FBXO42: variants seen among roughly 807,000 people sequenced by gnomAD.
FBXO42 encodes the protein F-box protein 42.
In FBXO42, 12 loss-of-function variants were observed where a neutral mutation model predicts 71.7. The observed-to-expected ratio is 0.17, with a 90% CI of 0.11 to 0.27. The LOEUF (loss-of-function observed/expected upper bound fraction) is 0.27. Ranked by LOEUF, FBXO42 falls within the 10% of genes least tolerant of loss-of-function variation. The pLI is 1.00. For missense variants in FBXO42, 707 were observed against 911.9 expected (o/e 0.78, Z 2.89); for synonymous variants, 325 against 327.5 (o/e 0.99, Z 0.08).
chr1:16,294,322 C>T (rs930641227), intron 4 of FBXO42: 2 of 157,200 alleles, frequency 1.3e-5, no homozygotes, highest in East Asian at 3.7e-4. Context: ...TCTTCCCACA[C>T]CCCTGGGTTG....
chr1:16,343,898 G>A (rs1212763105), intron 1 of FBXO42, among the ~76,000 whole-genome samples: 3 of 150,280 alleles, frequency 2.0e-5, no homozygotes, highest in Non-Finnish European at 4.4e-5. Context: ...AGGATCGCTT[G>A]AGCCAGGAGA....
At chr1:16,297,363 T>TA (rs1368583465) in intron 3 of FBXO42, among the ~76,000 whole-genome samples, 5 of 152,164 alleles carry the variant, frequency 3.3e-5, no homozygotes, top group African/African-American at 9.6e-5. Context: ...GCAGTATGTT[T>TA]AGTGCCTTAA....
chr1:16,292,279 CCCTTCCTG>C (rs1450662018), intron 4 of FBXO42: 1 of 152,234 alleles, frequency 6.6e-6, no homozygotes, highest in East Asian at 1.9e-4. Context: ...TTCCCTCCCT[CCCTTCCTG>C]CCTTCCTCTT....
chr1:16,253,522 A>C, intron 7 of FBXO42, 113 bp downstream of exon 7: 1 of 816,580 alleles, frequency 1.2e-6, no homozygotes, highest in African/African-American at 1.7e-5. Context: ...AGAATGATAC[A>C]TTTTCTTTGG....
intron 1 of FBXO42, among the ~76,000 whole-genome samples, chr1:16,322,303 C>A (rs755132236): frequency 8.5e-5 from 13 of 152,094 alleles, no homozygotes; most frequent in Non-Finnish European, 1.6e-4. Context: ...CTAGGCCAGG[C>A]GTGATGGCTC....
At chr1:16,334,669 T>C (rs954669670) in intron 1 of FBXO42, among the ~76,000 whole-genome samples, 1 of 152,070 alleles carries the variant, frequency 6.6e-6, no homozygotes, top group Admixed American at 6.6e-5. Flanking sequence ...CACAATAACA[T>C]TACCATACAA....
At chr1:16,307,109 C>G (rs1469207018) in intron 2 of FBXO42, among the ~76,000 whole-genome samples, 1 of 152,028 alleles carries the variant, frequency 6.6e-6, no homozygotes, top group East Asian at 1.9e-4. Context: ...CCAGGCTGGT[C>G]TCGAACTCCC....
chr1:16,272,525 C>G (rs1346543632), intron 4 of FBXO42, among the ~76,000 whole-genome samples: 1 of 152,156 alleles, frequency 6.6e-6, no homozygotes, highest in Non-Finnish European at 1.5e-5. Flanking sequence ...TCCCAAAGTG[C>G]TGGGATTACA....
rs183066989 is a variant in FBXO42, at chr1:16,287,221, G to A, written c.502+7562C>T. Reference sequence around the variant, plus strand: ...AGCACACTCCCAACTCTGGGTCTTTGCACTGATTATTCTCTGTTTGAAACA... The same window carrying A: ...AGCACACTCCCAACTCTGGGTCTTTACACTGATTATTCTCTGTTTGAAACA... On this transcript the variant is annotated intron_variant, in intron 4 of 9. Transcript: ENST00000375592. Among the ~76,000 whole-genome samples, 33 of 152,266 alleles carry A rather than the reference G, an allele frequency of 2.2e-4. No homozygotes were observed. The East Asian group carries it at 6.2e-3, about 28-fold the overall frequency.
intron 1 of FBXO42, among the ~76,000 whole-genome samples, chr1:16,320,268 G>A (rs573815294): frequency 2.0e-5 from 3 of 150,714 alleles, no homozygotes; most frequent in African/African-American, 7.3e-5. Flanking sequence ...GGCTGAGGCA[G>A]GAGAATCACT....
intron 2 of FBXO42, among the ~76,000 whole-genome samples, chr1:16,309,057 CTTTTTTTTT>C (rs58594138): frequency 4.4e-4 from 17 of 38,748 alleles, no homozygotes; most frequent in Admixed American, 2.3e-3. Context: ...GACCCCATCT[CTTTTTTTTT>C]TTTTTTTTTT....
At chr1:16,266,742 C>G (rs1185207449) in intron 4 of FBXO42, among the ~76,000 whole-genome samples, 1 of 152,166 alleles carries the variant, frequency 6.6e-6, no homozygotes, top group African/African-American at 2.4e-5. Context: ...CTTGATAAAG[C>G]TGTCATCATG....
intron 4 of FBXO42, among the ~76,000 whole-genome samples, chr1:16,285,665 AG>A (rs2082014472): frequency 6.6e-6 from 1 of 152,132 alleles, no homozygotes; most frequent in African/African-American, 2.4e-5. Flanking sequence ...GGTAATTCTC[AG>A]TCTTTACATG....
At chr1:16,293,885 G>A (rs940126316) in intron 4 of FBXO42, 1 of 152,184 alleles carries the variant, frequency 6.6e-6, no homozygotes, top group Non-Finnish European at 1.5e-5. Context: ...TGGTGACTAT[G>A]CCAGGAAATG....
At chr1:16,292,359 C>G (rs1189363798) in intron 4 of FBXO42, 2 of 152,142 alleles carry the variant, frequency 1.3e-5, no homozygotes, top group African/African-American at 4.8e-5. Flanking sequence ...CTCACTCTCG[C>G]CTAGGCGTCT....
chr1:16,350,757 A>AGAAAAGAAAAGAAAAGAAAGAAAGAAAG (rs1553156684), intron 1 of FBXO42, among the ~76,000 whole-genome samples: 12 of 44,246 alleles, frequency 2.7e-4, no homozygotes, highest in Admixed American at 1.1e-3. Context: ...AAAAAAAAAA[A>AGAAAAGAAAAGAAAAGAAAGAAAGAAAG]AAAGAAAGAA....
intron 1 of FBXO42, among the ~76,000 whole-genome samples, chr1:16,331,978 G>C (rs943529352): frequency 2.6e-5 from 4 of 152,134 alleles, no homozygotes; most frequent in Non-Finnish European, 5.9e-5. Flanking sequence ...GAACCTGTGA[G>C]GTGAAGGTTG....
rs757658037 is a variant in FBXO42 at position 16,334,418 on chromosome 1, C to CAAA, written c.-18+17834_-18+17836dup. ...TGGGCGACAGAGTGAGACTCCGCCT[C>CAAA]AAAAAAAAAAAAAAAAAAAAAACAG... On this transcript the variant is annotated intron_variant, in intron 1 of 9. Coordinates refer to ENST00000375592, the MANE Select transcript of FBXO42 (RefSeq NM_018994.3). Among the ~76,000 whole-genome samples, 201 of 52,338 alleles carry CAAA rather than the reference C, an allele frequency of 3.8e-3. 2 individuals carry two copies. The highest frequency in any genetic ancestry group is 6.7e-3 in the African/African-American group (103 of 15,406). 34.3% of individuals were successfully genotyped at this position (52,338 alleles called of 152,430 possible).
intron 4 of FBXO42, among the ~76,000 whole-genome samples, chr1:16,281,192 C>A (rs2081959849): frequency 6.6e-6 from 1 of 152,168 alleles, no homozygotes; most frequent in Non-Finnish European, 1.5e-5. Context: ...GAACTCCTGA[C>A]CTCAGGTGAT....
Sources: gnomAD v4.1 joint callset for allele counts (sites outside exome capture counted in the v4.1 genomes callset) on GRCh38, gnomAD v4.1.1 for gene constraint, MANE v1.5 for transcripts, NCBI Gene and HGNC (gene_info 2026-07-23, HGNC 2026-07-21) for gene names.